IPO7: variants seen among roughly 807,000 people sequenced by gnomAD.
IPO7 encodes importin 7.
A neutral mutation model predicts 136.4 loss-of-function variants in IPO7; 13 were observed. That is an observed-to-expected ratio of 0.10 (90% CI 0.06 to 0.15). The LOEUF is 0.15. Ranked by LOEUF, IPO7 falls within the 10% of genes least tolerant of loss-of-function variation. The probability of loss-of-function intolerance (pLI) is 1.00; values close to 1 mark genes in which losing one functional copy is unlikely to be tolerated. For missense variants in IPO7, 857 were observed against 1,240.6 expected (o/e 0.69, Z 4.65); for synonymous variants, 403 against 404.4 (o/e 1.00, Z 0.04).
chr11:9,430,950 G>A lies in IPO7; in HGVS notation c.1828G>A (p.Gly610Arg). ...TGATGACAAAGCAGTTACTGCTATG[G>A]GAATTCTGAATACAATTGATACACT... ...GSDDKAVTAM[G>R]ILNTIDTLLS... The change falls in exon 16 of 25, where the codon GGA becomes AGA. Residue 610 changes from glycine to arginine, a missense_variant. This residue lies in a region of IPO7 where 58 missense variants were observed against 122.1 expected (regional missense o/e 0.47). Transcript: ENST00000379719. 6.2e-7 allele frequency: 1 copy of A among 1,610,248 alleles called. No individual in the cohort carries two copies. Among genetic ancestry groups the A allele is most frequent in the Non-Finnish European group, 8.5e-7 (1 of 1,176,664 alleles).
At position 9,384,791 on chromosome 11, in the gene IPO7, C is replaced by T; in HGVS notation, c.28C>T (p.Leu10=). Residue 10 remains leucine (L), a synonymous_variant, in exon 1 of 25, where the codon CTG becomes TTG. Coordinates refer to ENST00000379719, the MANE Select transcript of IPO7 (RefSeq NM_006391.3). MDPNTIIEA[L]RGTMDPALRE... Reference sequence around the variant, plus strand: ...GGACCCCAACACCATTATCGAGGCCCTGCGGGGCACTATGGACCCAGCCCT... The same window carrying T: ...GGACCCCAACACCATTATCGAGGCCTTGCGGGGCACTATGGACCCAGCCCT... 2 of 1,607,626 alleles carry T rather than the reference C, an allele frequency of 1.2e-6. No individual in the cohort carries two copies. Among genetic ancestry groups the T allele is most frequent in the South Asian group, 2.2e-5 (2 of 89,766 alleles).
intron 1 of IPO7, among the ~76,000 whole-genome samples, chr11:9,388,801 G>A (rs1854587757): frequency 6.6e-6 from 1 of 152,050 alleles, no homozygotes; most frequent in African/African-American, 2.4e-5. Flanking sequence ...TTGGCCTCAA[G>A]CAGCGTCCTC....
At chr11:9,415,456 C>T (rs1855027084) in intron 5 of IPO7, among the ~76,000 whole-genome samples, 1 of 152,142 alleles carries the variant, frequency 6.6e-6, no homozygotes. Flanking sequence ...CGCAAAAATA[C>T]TAAATCAGTG....
At chr11:9,420,780 A>G in intron 8 of IPO7, 82 bp downstream of exon 8, 1 of 958,444 alleles carries the variant, frequency 1.0e-6, no homozygotes, top group South Asian at 1.4e-5. Context: ...AGTTTCTTTG[A>G]CATCTAAAGA....
chr11:9,397,841 G>A (rs1320444628), intron 1 of IPO7, among the ~76,000 whole-genome samples: 1 of 149,938 alleles, frequency 6.7e-6, no homozygotes, highest in Non-Finnish European at 1.5e-5. Flanking sequence ...TATTTTCTGT[G>A]TTGTTTTATA....
chr11:9,431,032 T>C (rs745739505), intron 16 of IPO7, 29 bp downstream of exon 16: 15 of 1,601,124 alleles, frequency 9.4e-6, no homozygotes, highest in Non-Finnish European at 1.2e-5. Flanking sequence ...GTTGCAGTTT[T>C]TCAAGCCATT....
At position 9,408,579 on chromosome 11, in the gene IPO7, A is replaced by G. The variant is rs765205089; in HGVS notation, c.260A>G (p.Asp87Gly). Residue 87 changes from aspartate to glycine, a missense_variant, in exon 3 of 25, where the codon GAT (aspartate) becomes GGT (glycine). Physicochemically the swap from Asp to Gly is moderately conservative, Grantham distance 94. Transcript: ENST00000379719. Reference sequence around the variant, plus strand: ...TCCCCTTATACTATTCCAGAAGAAGATCGCCATTGTATTCGAGAAAATATT... The same window carrying G: ...TCCCCTTATACTATTCCAGAAGAAGGTCGCCATTGTATTCGAGAAAATATT... ...DISPYTIPEE[D>G]RHCIRENIVE... 1 of 1,611,488 alleles carries G rather than the reference A, an allele frequency of 6.2e-7. No homozygotes were observed. Among genetic ancestry groups the G allele is most frequent in the East Asian group, 2.2e-5 (1 of 44,772 alleles).
chr11:9,405,205 T>C (rs1451962819), intron 2 of IPO7, among the ~76,000 whole-genome samples: 3 of 151,990 alleles, frequency 2.0e-5, no homozygotes, highest in African/African-American at 7.3e-5. Flanking sequence ...GACGGAGTCT[T>C]GCTCTGTCGC....
At chr11:9,396,384 A>G (rs940716787) in intron 1 of IPO7, among the ~76,000 whole-genome samples, 1 of 152,178 alleles carries the variant, frequency 6.6e-6, no homozygotes, top group African/African-American at 2.4e-5. Context: ...AGACAAAGCG[A>G]GACTCCATCT....
intron 22 of IPO7, 92 bp downstream of exon 22, chr11:9,438,377 A>G: frequency 1.3e-6 from 1 of 793,202 alleles, no homozygotes; most frequent in Non-Finnish European, 2.1e-6. Context: ...CTGTAATCCC[A>G]GCACTTTGGG....
chr11:9,418,232 GC>G, intron 6 of IPO7, among the ~76,000 whole-genome samples: 1 of 151,558 alleles, frequency 6.6e-6, no homozygotes, highest in East Asian at 1.9e-4. Flanking sequence ...ACCATGCCTG[GC>G]TAACTTTTTT....
At chr11:9,427,449 G>A (rs1033533078) in intron 12 of IPO7, among the ~76,000 whole-genome samples, 1 of 151,966 alleles carries the variant, frequency 6.6e-6, no homozygotes, top group Admixed American at 6.6e-5. Context: ...CAGTAGAGAT[G>A]GGGTTTCACC....
At chr11:9,404,670 G>T (rs544007938) in intron 2 of IPO7, among the ~76,000 whole-genome samples, 2 of 145,874 alleles carry the variant, frequency 1.4e-5, no homozygotes, top group East Asian at 4.2e-4. Flanking sequence ...TGTTCACGCC[G>T]TTCTTCTGCC....
intron 1 of IPO7, among the ~76,000 whole-genome samples, chr11:9,399,594 G>C (rs1381708693): frequency 6.6e-6 from 1 of 152,186 alleles, no homozygotes; most frequent in Non-Finnish European, 1.5e-5. Flanking sequence ...CAGGGAAGTA[G>C]AGTAATAATT....
intron 1 of IPO7, among the ~76,000 whole-genome samples, chr11:9,391,258 G>C (rs1164562958): frequency 2.6e-5 from 4 of 151,978 alleles, no homozygotes; most frequent in African/African-American, 4.8e-5. Flanking sequence ...AATTAGCCGG[G>C]TGTGGTGGTG....
At chr11:9,398,042 A>G (rs550448192) in intron 1 of IPO7, among the ~76,000 whole-genome samples, 1 of 152,348 alleles carries the variant, frequency 6.6e-6, no homozygotes. Context: ...GAGAAGATAC[A>G]TACTGTAATG....
At chr11:9,433,495 A>G in intron 16 of IPO7, 75 bp from the exon 17 acceptor site, 1 of 968,950 alleles carries the variant, frequency 1.0e-6, no homozygotes, top group Non-Finnish European at 1.6e-6. Context: ...AAGTGTACTG[A>G]ATTATAATAT....
At position 9,384,736 on chromosome 11, in the gene IPO7, C is replaced by G; in HGVS notation, c.-28C>G. The G allele has an allele frequency of 6.4e-7, 1 of 1,559,802 alleles. No homozygotes were observed. Among genetic ancestry groups the G allele is most frequent in the Non-Finnish European group, 8.7e-7 (1 of 1,148,206 alleles). On this transcript the variant is annotated 5_prime_UTR_variant, in exon 1 of 25. Transcript: ENST00000379719. ...TATTCCTGGCCCAGTAGCACCCGAGCCCCGGGTTTGACCGAGTCCGCGCTG... is the reference window on the plus strand; with the variant it reads ...TATTCCTGGCCCAGTAGCACCCGAGGCCCGGGTTTGACCGAGTCCGCGCTG...
chr11:9,410,593 T>TG (rs112800786), intron 4 of IPO7, among the ~76,000 whole-genome samples: 90,918 of 151,954 alleles, frequency 0.6, 27,804 homozygotes, highest in Non-Finnish European at 0.65. Context: ...ATTTCATTGT[T>TG]GCATATTTAA....
Sources: gnomAD v4.1 joint callset for allele counts (sites outside exome capture counted in the v4.1 genomes callset) on GRCh38, gnomAD v4.1.1 for gene constraint, gnomAD v4.1.1 regional missense constraint, MANE v1.5 for transcripts, NCBI Gene and HGNC (gene_info 2026-07-23, HGNC 2026-07-21) for gene names.